SRD5A1: variants seen among roughly 807,000 people sequenced by gnomAD.
The protein encoded by SRD5A1 is 3-oxo-5-alpha-steroid 4-dehydrogenase 1.
A neutral mutation model predicts 28.2 loss-of-function variants in SRD5A1; 22 were observed. That is an observed-to-expected ratio of 0.78 (90% CI 0.56 to 1.12). The LOEUF is 1.12. SRD5A1 is among the 50% of genes most tolerant of loss of function. The pLI is 0.00. For missense variants in SRD5A1, 300 were observed against 346.7 expected (o/e 0.87, Z 1.07); for synonymous variants, 151 against 135.0 (o/e 1.12, Z -0.82).
At chr5:6,648,969 C>T (rs1738586490) in intron 1 of SRD5A1, among the ~76,000 whole-genome samples, 1 of 152,096 alleles carries the variant, frequency 6.6e-6, no homozygotes, top group Admixed American at 6.5e-5. Context: ...AGTTTTCCTT[C>T]TAACAGGCCC....
chr5:6,654,412 A>C (rs980458294), intron 2 of SRD5A1, among the ~76,000 whole-genome samples: 2 of 149,700 alleles, frequency 1.3e-5, no homozygotes, highest in Non-Finnish European at 3.0e-5. Context: ...AAAATATTTT[A>C]TAGAAAGATT....
At chr5:6,662,282 A>T (rs945185114) in intron 3 of SRD5A1, among the ~76,000 whole-genome samples, 1 of 151,094 alleles carries the variant, frequency 6.6e-6, no homozygotes, top group African/African-American at 2.4e-5. Flanking sequence ...GCCCCTCGCT[A>T]CTCCTCCCCC....
rs765397987 is a variant in SRD5A1 at position 6,633,807 on chromosome 5, G to A, written c.231G>A (p.Pro77=). 1.3e-6 allele frequency: 2 copies of A among 1,597,752 alleles called. No homozygotes were observed. Among genetic ancestry groups the A allele is most frequent in the Non-Finnish European group, 1.7e-6 (2 of 1,179,654 alleles). ...ACCAGTACGCCAGCGAGTCCGCCCC[G>A]CGTCTCCGCAGCGCGCCCAACTGCA... The part of the protein sequence containing the change: ...PLYQYASESA[P]RLRSAPNCIL... The change falls in exon 1 of 5, where the codon CCG becomes CCA. Residue 77 remains proline (P), a synonymous_variant. Transcript: ENST00000274192.
chr5:6,662,292 C>T (rs1475956055), intron 3 of SRD5A1, among the ~76,000 whole-genome samples: 1 of 152,248 alleles, frequency 6.6e-6, no homozygotes, highest in Non-Finnish European at 1.5e-5. Flanking sequence ...ACTCCTCCCC[C>T]TCCATGAGCT....
At chr5:6,634,374 TA>T (rs1192214597) in intron 1 of SRD5A1, among the ~76,000 whole-genome samples, 2 of 119,332 alleles carry the variant, frequency 1.7e-5, no homozygotes, top group Non-Finnish European at 3.2e-5. Context: ...AAATGTAAAA[TA>T]AAAATGAAGA....
At position 6,633,458 on chromosome 5, in the gene SRD5A1, G is replaced by T; in HGVS notation, c.-119G>T. ...TGAGAACCCTTTCTGCAGAGTCCCG[G>T]CAGTGCGGGACTCCGGTAGCCGCCC... On this transcript the variant is annotated 5_prime_UTR_variant, in exon 1 of 5. Coordinates refer to ENST00000274192, the MANE Select transcript of SRD5A1 (RefSeq NM_001047.4). 1 of 1,155,348 alleles carries T rather than the reference G, an allele frequency of 8.7e-7. No homozygotes were observed. The allele number at this position is 1,155,348 out of a possible 1,614,324, so 71.6% of individuals were successfully genotyped here.
rs1326839678 is a variant in SRD5A1 at position 6,668,508 on chromosome 5, G to A, written c.*240G>A. 4.8e-5 allele frequency: 17 copies of A among 352,878 alleles called. No homozygotes were observed. Among genetic ancestry groups the A allele is most frequent in the Non-Finnish European group, 8.9e-5 (17 of 191,322 alleles). The allele number at this position is 352,878 out of a possible 1,614,324, so 21.9% of individuals were successfully genotyped here. On this transcript the variant is annotated 3_prime_UTR_variant, in exon 5 of 5. Coordinates refer to ENST00000274192, the MANE Select transcript of SRD5A1 (RefSeq NM_001047.4). ...GAATTTCAAGCTCTGGGTAATAACTGCTGATATTTTTTCTAATTTCAAATT... is the reference window on the plus strand; with the variant it reads ...GAATTTCAAGCTCTGGGTAATAACTACTGATATTTTTTCTAATTTCAAATT...
At chr5:6,641,815 A>T (rs544007337) in intron 1 of SRD5A1, among the ~76,000 whole-genome samples, 1 of 152,372 alleles carries the variant, frequency 6.6e-6, no homozygotes, top group South Asian at 2.1e-4. Flanking sequence ...GCTACGCAGA[A>T]GCACGTCCTC....
chr5:6,640,571 G>T (rs997646941), intron 1 of SRD5A1, among the ~76,000 whole-genome samples: 5 of 146,614 alleles, frequency 3.4e-5, no homozygotes, highest in African/African-American at 1.0e-4. Context: ...TCCCAGTGTT[G>T]CCTGGGCTGG....
intron 1 of SRD5A1, among the ~76,000 whole-genome samples, chr5:6,641,387 C>T (rs8192163): frequency 0.01 from 1,579 of 152,238 alleles, 28 homozygotes; most frequent in African/African-American, 0.036. Flanking sequence ...GGGAATGGCC[C>T]GCAAGAAGAA....
At chr5:6,652,962 T>G (rs555846137) in intron 2 of SRD5A1, among the ~76,000 whole-genome samples, 2 of 152,232 alleles carry the variant, frequency 1.3e-5, no homozygotes, top group African/African-American at 2.4e-5. Flanking sequence ...ATTTAGATAT[T>G]AAACCATACT....
chr5:6,668,030 T>C (rs1456459239), intron 4 of SRD5A1, among the ~76,000 whole-genome samples, 172 bp from the exon 5 acceptor site: 1 of 152,270 alleles, frequency 6.6e-6, no homozygotes, highest in Non-Finnish European at 1.5e-5. Context: ...ATATATTTAA[T>C]TCTTCATGAT....
At position 6,673,847 on chromosome 5, in the gene SRD5A1, A is replaced by C. The variant is rs1291577652; in HGVS notation, c.*5579A>C. The C allele has an allele frequency of 2.0e-5, 3 of 152,214 alleles. No individual in the cohort carries two copies. Among genetic ancestry groups the C allele is most frequent in the Non-Finnish European group, 4.4e-5 (3 of 68,038 alleles). The allele number at this position is 152,214 out of a possible 1,614,324, so 9.4% of individuals were successfully genotyped here. ...AACTTTAATGCATATTGGTAAGTGA[A>C]AAAAGCCAGTTTGCAAAGGCTAGAT... On this transcript the variant is annotated 3_prime_UTR_variant, in exon 5 of 5. Transcript: ENST00000274192.
chr5:6,634,087 C>T (rs1200587478), intron 1 of SRD5A1, among the ~76,000 whole-genome samples: 1 of 152,214 alleles, frequency 6.6e-6, no homozygotes, highest in Non-Finnish European at 1.5e-5. Flanking sequence ...CTGGAAAGGG[C>T]GGGAAACAAA....
intron 2 of SRD5A1, 53 bp downstream of exon 2, chr5:6,652,061 T>C: frequency 6.5e-7 from 1 of 1,544,360 alleles, no homozygotes; most frequent in Non-Finnish European, 8.8e-7. Flanking sequence ...GCTTTTATAT[T>C]GATGTCCCAG....
chr5:6,656,041 T>G, intron 2 of SRD5A1, 37 bp from the exon 3 acceptor site: 1 of 1,532,524 alleles, frequency 6.5e-7, no homozygotes, highest in East Asian at 2.2e-5. Context: ...TTTTACGGTT[T>G]ATTAGCCATA....
rs774460239 is a variant in SRD5A1, at chr5:6,662,828, A to G, written c.575A>G (p.Glu192Gly). Residue 192 changes from glutamate (E) to glycine (G), a missense_variant, in exon 4 of 5, where the codon GAA (glutamate) becomes GGA (glycine). By Grantham distance (98) the Glu-to-Gly change is moderately conservative (BLOSUM62 -2). Coordinates refer to ENST00000274192, the MANE Select transcript of SRD5A1 (RefSeq NM_001047.4). ...GYKIPRGGLFEYVTAANYFGE... is the reference protein window; with the variant it reads ...GYKIPRGGLFGYVTAANYFGE... ...TGTTTTCTTCTAGGAGGCTTATTTGAATACGTAACTGCAGCCAACTATTTT... is the reference window on the plus strand; with the variant it reads ...TGTTTTCTTCTAGGAGGCTTATTTGGATACGTAACTGCAGCCAACTATTTT... The G allele has an allele frequency of 1.9e-6, 3 of 1,612,306 alleles. No homozygotes were observed. The highest frequency in any genetic ancestry group is 2.2e-4 in the Middle Eastern group (1 of 4,588).
intron 4 of SRD5A1, among the ~76,000 whole-genome samples, chr5:6,663,717 AGGCGTGGTGGCG>A (rs1739078372): frequency 1.3e-5 from 2 of 151,980 alleles, no homozygotes; most frequent in African/African-American, 2.4e-5. Flanking sequence ...AAAATTAGTC[AGGCGTGGTGGCG>A]GGCGCCTGTA....
chr5:6,640,498 A>G (rs1738328030), intron 1 of SRD5A1, among the ~76,000 whole-genome samples: 1 of 151,900 alleles, frequency 6.6e-6, no homozygotes, highest in Non-Finnish European at 1.5e-5. Context: ...TTCATGGGTT[A>G]TAAAAACAAC....
Sources: allele counts gnomAD v4.1 joint callset (sites outside exome capture counted in the v4.1 genomes callset), GRCh38; gene constraint gnomAD v4.1.1; transcripts MANE v1.5; gene names NCBI Gene and HGNC (gene_info 2026-07-23, HGNC 2026-07-21).